Variants in UBE2E2 observed in about 807,000 individuals in gnomAD.
UBE2E2 encodes the protein ubiquitin conjugating enzyme E2 E2, also known as ubiquitin-conjugating enzyme E2 E2.
In UBE2E2, 6 loss-of-function variants were observed where a neutral mutation model predicts 24.7. That is an observed-to-expected ratio of 0.24 (90% CI 0.13 to 0.48). UBE2E2 has a LOEUF of 0.48. Ranked by LOEUF, UBE2E2 falls within the 20% of genes least tolerant of loss-of-function variation. The pLI, the probability that UBE2E2 is intolerant of heterozygous loss-of-function variation, is 0.99. For synonymous variants in UBE2E2, 104 were observed against 83.6 expected, an observed-to-expected ratio of 1.24 and a Z score of -1.33; for missense variants, 169 against 245.0, an observed-to-expected ratio of 0.69 and a Z score of 2.07.
At chr3:23,344,295 C>A (rs1695484816) in intron 3 of UBE2E2, among the ~76,000 whole-genome samples, 1 of 152,150 alleles carries the variant, frequency 6.6e-6, no homozygotes, top group African/African-American at 2.4e-5. Flanking sequence ...TTACTCCCCA[C>A]TTTCTAGCCT....
At chr3:23,313,386 CT>C (rs34208918) in intron 3 of UBE2E2, among the ~76,000 whole-genome samples, 21 of 111,866 alleles carry the variant, frequency 1.9e-4, no homozygotes, top group East Asian at 2.6e-4. Flanking sequence ...ATCATTGGGT[CT>C]TTTTTTTTTT....
chr3:23,252,147 C>A (rs563500285), intron 3 of UBE2E2, among the ~76,000 whole-genome samples: 2 of 152,182 alleles, frequency 1.3e-5, no homozygotes, highest in East Asian at 1.9e-4. Context: ...TAGGTGATAT[C>A]TTGGTGGTTT....
intron 5 of UBE2E2, among the ~76,000 whole-genome samples, chr3:23,587,881 C>T (rs1436411573): frequency 1.3e-5 from 2 of 152,150 alleles, no homozygotes; most frequent in Non-Finnish European, 2.9e-5. Flanking sequence ...TTCGAACAAA[C>T]CCACATACTA....
intron 4 of UBE2E2, among the ~76,000 whole-genome samples, chr3:23,529,746 A>C (rs1027508985): frequency 6.6e-6 from 1 of 152,234 alleles, no homozygotes; most frequent in Admixed American, 6.5e-5. Context: ...TTAAAGGGAT[A>C]GGCACTCTGC....
intron 3 of UBE2E2, among the ~76,000 whole-genome samples, chr3:23,239,352 CGTT>C: frequency 6.6e-6 from 1 of 152,136 alleles, no homozygotes; most frequent in Non-Finnish European, 1.5e-5. Flanking sequence ...GTACTCACAA[CGTT>C]GTGCAACTGT....
At chr3:23,408,466 T>C (rs761642777) in intron 3 of UBE2E2, among the ~76,000 whole-genome samples, 21 of 152,188 alleles carry the variant, frequency 1.4e-4, no homozygotes, top group Non-Finnish European at 2.5e-4. Context: ...GCAGTTTTTC[T>C]CAGTAGAGAA....
intron 3 of UBE2E2, among the ~76,000 whole-genome samples, chr3:23,246,222 AT>A (rs398051684): frequency 3.4e-4 from 35 of 102,206 alleles, no homozygotes; most frequent in East Asian, 8.0e-4. Flanking sequence ...TGCGTGGCTA[AT>A]TTTTTTTTTT....
intron 3 of UBE2E2, among the ~76,000 whole-genome samples, chr3:23,371,669 A>G (rs914679291): frequency 2.0e-5 from 3 of 152,208 alleles, no homozygotes; most frequent in African/African-American, 7.2e-5. Flanking sequence ...ACAGTAGTAT[A>G]TATAAAATTT....
chr3:23,462,478 A>G (rs760975008), intron 3 of UBE2E2, among the ~76,000 whole-genome samples: 14 of 152,188 alleles, frequency 9.2e-5, no homozygotes, highest in Non-Finnish European at 1.9e-4. Context: ...AATGAAAAGT[A>G]CAGCTTTTCA....
intron 3 of UBE2E2, among the ~76,000 whole-genome samples, chr3:23,304,266 A>G (rs1256022507): frequency 6.6e-6 from 1 of 152,206 alleles, no homozygotes; most frequent in Non-Finnish European, 1.5e-5. Context: ...TCAAAAACAT[A>G]GAGACCTTTT....
rs1697850924 is a variant in UBE2E2 at position 23,259,878 on chromosome 3, G to A, written c.227+42566G>A. On this transcript the variant is annotated intron_variant, in intron 3 of 5. Coordinates refer to ENST00000396703, the MANE Select transcript of UBE2E2 (RefSeq NM_152653.4). ...CTCTGCTTTATAGTGTCAATAAGAG[G>A]TGTGGATGGAAACACATGGAATTAG... 4.6e-5 allele frequency among the ~76,000 whole-genome samples: 7 copies of A among 152,302 alleles called. No homozygotes were observed. The South Asian group carries it at 1.5e-3, about 32-fold the overall frequency.
chr3:23,268,621 T>C (rs1698130850), intron 3 of UBE2E2, among the ~76,000 whole-genome samples: 1 of 147,550 alleles, frequency 6.8e-6, no homozygotes, highest in Non-Finnish European at 1.5e-5. Flanking sequence ...AAAATGGCCA[T>C]ACTGCCCAAG....
At chr3:23,460,335 CTACCA>C (rs1288463117) in intron 3 of UBE2E2, among the ~76,000 whole-genome samples, 2 of 152,202 alleles carry the variant, frequency 1.3e-5, no homozygotes, top group African/African-American at 4.8e-5. Context: ...CGCTTTTTGC[CTACCA>C]TACAGAATGC....
At chr3:23,303,236 A>G (rs1295302789) in intron 3 of UBE2E2, among the ~76,000 whole-genome samples, 1 of 152,016 alleles carries the variant, frequency 6.6e-6, no homozygotes, top group Non-Finnish European at 1.5e-5. Flanking sequence ...AGGAAGACGA[A>G]CTCAGGTCTC....
intron 3 of UBE2E2, among the ~76,000 whole-genome samples, chr3:23,400,610 A>ACACACACACACACACACACACATACT (rs779136930): frequency 0.084 from 8,382 of 100,050 alleles, 357 homozygotes; most frequent in Non-Finnish European, 0.12. Context: ...TAAATGAAAC[A>ACACACACACACACACACACACATACT]CACACACACA....
At chr3:23,370,162 T>C (rs1696366264) in intron 3 of UBE2E2, among the ~76,000 whole-genome samples, 1 of 152,206 alleles carries the variant, frequency 6.6e-6, no homozygotes, top group South Asian at 2.1e-4. Flanking sequence ...AGAAGCCTGC[T>C]TCTTTAATTT....
intron 3 of UBE2E2, among the ~76,000 whole-genome samples, chr3:23,344,917 A>T (rs1232419782): frequency 1.3e-5 from 2 of 151,730 alleles, no homozygotes; most frequent in Non-Finnish European, 2.9e-5. Context: ...TTTTTTGAAA[A>T]AGAAGTTTTA....
chr3:23,560,373 G>A (rs377224357), intron 5 of UBE2E2, among the ~76,000 whole-genome samples: 142 of 151,948 alleles, frequency 9.3e-4, no homozygotes, highest in African/African-American at 2.8e-3. Flanking sequence ...AGCTTCATCC[G>A]TGTCCCTACA....
intron 3 of UBE2E2, among the ~76,000 whole-genome samples, chr3:23,449,421 C>A (rs139302492): frequency 2.6e-5 from 4 of 152,266 alleles, no homozygotes; most frequent in Non-Finnish European, 2.9e-5. Context: ...TAAATATTTG[C>A]TTCTTATTTT....
Sources: gnomAD v4.1 joint callset for allele counts (sites outside exome capture counted in the v4.1 genomes callset) on GRCh38, gnomAD v4.1.1 for gene constraint, MANE v1.5 for transcripts, NCBI Gene and HGNC (gene_info 2026-07-23, HGNC 2026-07-21) for gene names.